The following ATXN10 variants were observed in gnomAD, a reference collection of about 807,000 sequenced individuals.
ATXN10 encodes ataxin-10.
A neutral mutation model predicts 52.9 loss-of-function variants in ATXN10; 28 were observed. The observed-to-expected ratio is 0.53, with a 90% CI of 0.39 to 0.73. ATXN10 has a LOEUF of 0.73. Among genes scored for constraint, ATXN10 ranks in the 30% least tolerant of loss-of-function variants. ATXN10 has a pLI of 0.00. For synonymous variants in ATXN10, 226 were observed against 221.5 expected (o/e 1.02, Z -0.18); for missense variants, 565 against 577.0 (o/e 0.98, Z 0.21).
rs555814888 is a variant in ATXN10, at chr22:45,784,050, C to A, written c.1174-22909C>A. Among the ~76,000 whole-genome samples the A allele has an allele frequency of 1.3e-5, 2 of 152,294 alleles. No individual in the cohort carries two copies. Among genetic ancestry groups the A allele is most frequent in the South Asian group, 4.1e-4 (2 of 4,824 alleles). ...GGTCTGTGTCACTGGCCCTCCCTCT[C>A]CCCTTCTTAATCCTCATCACTCTTC... is the stretch of plus-strand genomic sequence containing the variant. On this transcript the variant is annotated intron_variant, in intron 9 of 11. Coordinates refer to ENST00000252934, the MANE Select transcript of ATXN10 (RefSeq NM_013236.4). The surrounding 1 kb of genome is among the most constrained non-coding windows in gnomAD (Gnocchi z 4.2).
intron 10 of ATXN10, among the ~76,000 whole-genome samples, chr22:45,815,948 C>T (rs545725249): frequency 6.6e-6 from 1 of 152,274 alleles, no homozygotes; most frequent in South Asian, 2.1e-4. Context: ...GTAGTAACCA[C>T]TCAATAAAAT....
At chr22:45,703,824 A>G (rs1484377034) in intron 5 of ATXN10, 1 of 152,188 alleles carries the variant, frequency 6.6e-6, no homozygotes, top group Non-Finnish European at 1.5e-5. Context: ...AAAGCTCTGT[A>G]CCTCATTAGC....
Position 45,672,149 on chromosome 22 carries a change from T to G in ATXN10, c.86T>G (p.Leu29Arg). 1.3e-6 allele frequency: 2 copies of G among 1,537,724 alleles called. No homozygotes were observed. The highest frequency in any genetic ancestry group is 1.7e-6 in the Non-Finnish European group (2 of 1,144,444). The change falls in exon 1 of 12, where the codon CTC becomes CGC. Residue 29 changes from leucine (L) to arginine (R), a missense_variant. Physicochemically the swap from Leu to Arg is moderately radical, Grantham distance 102. Coordinates refer to ENST00000252934, the MANE Select transcript of ATXN10 (RefSeq NM_013236.4). ...CAAGACCTGGAGGCCCTGCGCGCGC[T>G]CACGGCGCTCTTCAAAGAGCAGCGG... ...PIQDLEALRA[L>R]TALFKEQRNR... is the part of the protein sequence containing the mutation.
chr22:45,711,256 A>G (rs935449969), intron 5 of ATXN10, among the ~76,000 whole-genome samples: 1 of 152,208 alleles, frequency 6.6e-6, no homozygotes, highest in Non-Finnish European at 1.5e-5. Flanking sequence ...GAGTGAAAAA[A>G]AAAAGCCAAT....
chr22:45,729,758 C>T (rs1417746585), intron 7 of ATXN10, 168 bp downstream of exon 7: 4 of 791,942 alleles, frequency 5.1e-6, no homozygotes, highest in Non-Finnish European at 8.4e-6. Context: ...AAAACAGTGT[C>T]CTTATTCCTA....
At chr22:45,792,465 C>T (rs936961133) in intron 9 of ATXN10, 2 of 153,132 alleles carry the variant, frequency 1.3e-5, no homozygotes, top group Admixed American at 6.5e-5. Context: ...CACTTTTTCT[C>T]CACCGTTCTT....
At chr22:45,768,070 A>G (rs942416940) in intron 9 of ATXN10, among the ~76,000 whole-genome samples, 2 of 152,230 alleles carry the variant, frequency 1.3e-5, no homozygotes, top group African/African-American at 2.4e-5. Flanking sequence ...TGAGTTGGAA[A>G]TAGCAGTATG....
In ATXN10 at chr22:45,675,822, T is replaced by C. The variant is rs1922663323; in HGVS notation, c.116+3643T>C. On this transcript the variant is annotated intron_variant, in intron 1 of 11. Transcript: ENST00000252934. ...TCCATGCTGTGTATTAAATGCATTC[T>C]GTAACCCACTTCTTAAACAGTGTCT... The C allele has an allele frequency of 2.0e-5, 3 of 152,278 alleles. No individual in the cohort carries two copies. In the South Asian group the frequency reaches 6.2e-4, roughly 31 times the overall value. The allele number at this position is 152,278 out of a possible 1,614,324, so 9.4% of individuals were successfully genotyped here. A position where few individuals can be genotyped will look rare whatever the true frequency, so the allele number is the denominator to read the frequency against.
Position 45,843,245 on chromosome 22 carries a change from C to T in ATXN10, c.1425+67C>T, listed in dbSNP as rs1319758642. 4 of 1,520,536 alleles carry T rather than the reference C, an allele frequency of 2.6e-6. No homozygotes were observed. Among genetic ancestry groups the T allele is most frequent in the South Asian group, 1.1e-5 (1 of 88,506 alleles). The allele number at this position is 1,520,536 out of a possible 1,614,324, so 94.2% of individuals were successfully genotyped here. ...GAAAGCTGTTTCCACTTCCCCATTG[C>T]TTCAAGCACGAGGCTCTTTGTAAGA... is the stretch of plus-strand genomic sequence containing the variant. On this transcript the variant is annotated intron_variant, in intron 11 of 11. Coordinates refer to ENST00000252934, the MANE Select transcript of ATXN10 (RefSeq NM_013236.4). The surrounding 1 kb of genome is among the most constrained non-coding windows in gnomAD (Gnocchi z 4.5).
rs1322187292 is a variant in ATXN10 at position 45,715,624 on chromosome 22, A to C, written c.648-2789A>C. The stretch of plus-strand genomic sequence containing the variant: ...TCTTCCAGTGTGGCCCAGGGAAGCC[A>C]AAAGATTGGACACCGCTGATACAGA... On this transcript the variant is annotated intron_variant, in intron 5 of 11. Coordinates refer to ENST00000252934, the MANE Select transcript of ATXN10 (RefSeq NM_013236.4). The surrounding 1 kb of genome is among the most constrained non-coding windows in gnomAD (Gnocchi z 4.4). 1.3e-5 allele frequency among the ~76,000 whole-genome samples: 2 copies of C among 152,200 alleles called. No individual in the cohort carries two copies. Among genetic ancestry groups the C allele is most frequent in the Non-Finnish European group, 2.9e-5 (2 of 68,030 alleles).
At chr22:45,778,891 A>G (rs1464753348) in intron 9 of ATXN10, among the ~76,000 whole-genome samples, 1 of 152,248 alleles carries the variant, frequency 6.6e-6, no homozygotes, top group Non-Finnish European at 1.5e-5. Context: ...AAAAGGTCCT[A>G]GGATGTGAGC....
intron 6 of ATXN10, among the ~76,000 whole-genome samples, chr22:45,723,163 G>A (rs1451245049): frequency 1.3e-5 from 2 of 151,324 alleles, no homozygotes; most frequent in Non-Finnish European, 2.9e-5. Context: ...ATGTGTGTGT[G>A]TGTATATATA....
chr22:45,736,091 G>A (rs192111191), intron 7 of ATXN10, among the ~76,000 whole-genome samples: 152 of 152,090 alleles, frequency 1.0e-3, no homozygotes, highest in Admixed American at 2.8e-3. Flanking sequence ...TTAAGAGCTG[G>A]AAGGAGACTT....
At position 45,678,086 on chromosome 22, in the gene ATXN10, G is replaced by A. The variant is rs1173301867; in HGVS notation, c.116+5907G>A. 1.3e-5 allele frequency: 2 copies of A among 152,130 alleles called. No individual in the cohort carries two copies. The highest frequency in any genetic ancestry group is 2.9e-5 in the Non-Finnish European group (2 of 68,026). 9.4% of individuals were successfully genotyped at this position (152,130 alleles called of 1,614,324 possible). On this transcript the variant is annotated intron_variant, in intron 1 of 11. Transcript: ENST00000252934. The surrounding 1 kb of genome is among the most constrained non-coding windows in gnomAD (Gnocchi z 4.1). ...CTAGGATTTGGAGAGAGGGGAAATT[G>A]GGAGTTACTGCTTCATGTTTACAGA...
intron 1 of ATXN10, among the ~76,000 whole-genome samples, chr22:45,685,355 A>G (rs1245303291): frequency 6.6e-6 from 1 of 152,176 alleles, no homozygotes; most frequent in Non-Finnish European, 1.5e-5. Context: ...TCTTCAGGGT[A>G]TGCATTCCTT....
intron 8 of ATXN10, among the ~76,000 whole-genome samples, chr22:45,739,399 T>C (rs1925422627): frequency 6.6e-6 from 1 of 152,180 alleles, no homozygotes; most frequent in Non-Finnish European, 1.5e-5. Context: ...AGGTTTGCTG[T>C]TCATTATTTG....
At chr22:45,694,200 T>C (rs905702195) in intron 3 of ATXN10, among the ~76,000 whole-genome samples, 1 of 152,102 alleles carries the variant, frequency 6.6e-6, no homozygotes, top group African/African-American at 2.4e-5. Context: ...AGTAGAATGG[T>C]TTTGGTCTTT....
chr22:45,694,244 G>A (rs956134637), intron 3 of ATXN10, among the ~76,000 whole-genome samples: 3 of 151,856 alleles, frequency 2.0e-5, no homozygotes, highest in East Asian at 1.9e-4. Flanking sequence ...CCTTTGGACA[G>A]TGGTTATTAT....
intron 5 of ATXN10, among the ~76,000 whole-genome samples, chr22:45,706,639 C>T (rs28836795): frequency 0.041 from 5,651 of 136,426 alleles, 123 homozygotes; most frequent in Non-Finnish European, 0.044. Flanking sequence ...AATTATAGTC[C>T]AATTTCCTTT....
Sources: allele counts gnomAD v4.1 joint callset (sites outside exome capture counted in the v4.1 genomes callset), GRCh38; gene constraint gnomAD v4.1.1; non-coding constraint Gnocchi (gnomAD v3.1); transcripts MANE v1.5; gene names NCBI Gene and HGNC (gene_info 2026-07-23, HGNC 2026-07-21).